LAMC3: variants seen among roughly 807,000 people sequenced by gnomAD.
The protein encoded by LAMC3 is laminin subunit gamma 3, also known as laminin subunit gamma-3.
In LAMC3, 128 loss-of-function variants were observed where a neutral mutation model predicts 173.8. The observed-to-expected ratio is 0.74, with a 90% CI of 0.64 to 0.85. The LOEUF (loss-of-function observed/expected upper bound fraction) is 0.85, where lower values mean the gene tolerates loss of function less well. Among genes scored for constraint, LAMC3 ranks in the 40% least tolerant of loss-of-function variants. The pLI is 0.00. For synonymous variants in LAMC3, 897 were observed against 909.1 expected, an observed-to-expected ratio of 0.99 and a Z score of 0.24; for missense variants, 2,022 against 2,156.0, an observed-to-expected ratio of 0.94 and a Z score of 1.23.
In LAMC3 at chr9:131,052,966, G is replaced by T; in HGVS notation, c.1939+1G>T. On this transcript the variant is annotated splice_donor_variant, in intron 11 of 27. Transcript: ENST00000361069. LOFTEE classifies it high-confidence loss of function. ...GTCAGTCCCGGCCCCAGCCCTGCCG[G>T]TCAGTAAAGACAACCACATGCCCAA... is the stretch of plus-strand genomic sequence containing the variant. 1.2e-6 allele frequency: 2 copies of T among 1,607,624 alleles called. No homozygotes were observed.
At chr9:131,083,597 G>A (rs139706232) in intron 24 of LAMC3, among the ~76,000 whole-genome samples, 9 of 152,226 alleles carry the variant, frequency 5.9e-5, no homozygotes, top group African/African-American at 1.2e-4. Flanking sequence ...TACAGAGAAC[G>A]CTTGAGAATA....
intron 27 of LAMC3, among the ~76,000 whole-genome samples, chr9:131,089,550 T>TA (rs1830388114): frequency 7.3e-6 from 1 of 136,430 alleles, no homozygotes; most frequent in South Asian, 2.2e-4. Flanking sequence ...GCTAATTTTT[T>TA]TTTTTTTTTT....
rs770156354 is a variant in LAMC3, at chr9:131,081,439, C to CTCCCTCCCTCCA, written c.3928-609_3928-608insATCCCTCCCTCC. ...ACTTGCTGAGATAGAGCAGTGTTCC[C>CTCCCTCCCTCCA]TCCCTCCCTCCCTCCCTCCCTCCCT... On this transcript the variant is annotated intron_variant, in intron 23 of 27. Coordinates refer to ENST00000361069, the MANE Select transcript of LAMC3 (RefSeq NM_006059.4). 5.1e-4 allele frequency among the ~76,000 whole-genome samples: 63 copies of CTCCCTCCCTCCA among 123,180 alleles called. 1 individual carries two copies. Among genetic ancestry groups the CTCCCTCCCTCCA allele is most frequent in the African/African-American group, 1.2e-3 (42 of 34,360 alleles). The allele number at this position is 123,180 out of a possible 152,430, so 80.8% of individuals were successfully genotyped here. A position where few individuals can be genotyped will look rare whatever the true frequency, so the allele number is the denominator to read the frequency against.
At chr9:131,089,494 C>T (rs185900458) in intron 27 of LAMC3, among the ~76,000 whole-genome samples, 171 of 151,796 alleles carry the variant, frequency 1.1e-3, no homozygotes, top group Middle Eastern at 3.5e-3. Flanking sequence ...TCTTCCACTT[C>T]AGCCTTCGAA....
At position 131,038,922 on chromosome 9, in the gene LAMC3, C is replaced by A. The variant is rs561334750; in HGVS notation, c.1035C>A (p.Ser345Arg). The A allele has an allele frequency of 6.2e-7, 1 of 1,613,358 alleles. No homozygotes were observed. Among genetic ancestry groups the A allele is most frequent in the African/African-American group, 1.3e-5 (1 of 75,050 alleles). ...CGTTTGATCGGGAGCTCTTCCGCAG[C>A]ACAGGCCACGGCGGGCGCTGTCACC... ...ECTFDRELFRSTGHGGRCHHC... is the reference protein window; with the variant it reads ...ECTFDRELFRRTGHGGRCHHC... The change falls in exon 5 of 28, where the codon AGC (serine) becomes AGA (arginine). Residue 345 changes from serine to arginine, a missense_variant. Coordinates refer to ENST00000361069, the MANE Select transcript of LAMC3 (RefSeq NM_006059.4).
chr9:131,081,261 C>T (rs1830233627), intron 23 of LAMC3, among the ~76,000 whole-genome samples: 1 of 152,232 alleles, frequency 6.6e-6, no homozygotes, highest in South Asian at 2.1e-4. Context: ...CGGTCATATT[C>T]CAGTGTGTGG....
At chr9:131,045,384 T>A in intron 7 of LAMC3, 140 bp from the exon 8 acceptor site, 1 of 904,354 alleles carries the variant, frequency 1.1e-6, no homozygotes. Context: ...CTTACTACTC[T>A]TCTAGAATTC....
At chr9:131,023,010 T>G (rs1833654405) in intron 1 of LAMC3, among the ~76,000 whole-genome samples, 1 of 152,236 alleles carries the variant, frequency 6.6e-6, no homozygotes. Context: ...TCTGGACATT[T>G]ACGTGGAATC....
chr9:131,034,550 C>T (rs1392331775), intron 3 of LAMC3, among the ~76,000 whole-genome samples: 1 of 152,030 alleles, frequency 6.6e-6, no homozygotes, highest in East Asian at 1.9e-4. Context: ...GCTCAGGGTC[C>T]ACGTGGAGTC....
intron 13 of LAMC3, among the ~76,000 whole-genome samples, chr9:131,062,504 A>G (rs754714591): frequency 1.3e-5 from 2 of 152,202 alleles, no homozygotes; most frequent in African/African-American, 2.4e-5. Context: ...ACAATTTGCA[A>G]TGCTGTGCAG....
intron 7 of LAMC3, 118 bp downstream of exon 7, chr9:131,041,853 G>A (rs756098953): frequency 8.2e-6 from 7 of 853,908 alleles, no homozygotes; most frequent in African/African-American, 1.7e-5. Flanking sequence ...GGACTTGGGT[G>A]ACCTTGTCAC....
At position 131,009,627 on chromosome 9, in the gene LAMC3, C is replaced by G; in HGVS notation, c.373+40C>G. 6.5e-7 allele frequency: 1 copy of G among 1,549,444 alleles called. No homozygotes were observed. Among genetic ancestry groups the G allele is most frequent in the Non-Finnish European group, 8.7e-7 (1 of 1,149,136 alleles). ...GGGGCACCGCCACCGCACCCCGTGT[C>G]CCCACTCCACTGGGGGTCTGAGGCT... On this transcript the variant is annotated intron_variant, in intron 1 of 27. Transcript: ENST00000361069. This position sits in a 1 kb window ranked among gnomAD's most constrained non-coding sequence, Gnocchi z 4.3.
intron 6 of LAMC3, among the ~76,000 whole-genome samples, chr9:131,041,094 C>T (rs1006167214): frequency 5.3e-5 from 8 of 152,014 alleles, no homozygotes; most frequent in African/African-American, 1.9e-4. Context: ...AGGCCGAGCA[C>T]GGTGGCTCAT....
intron 3 of LAMC3, among the ~76,000 whole-genome samples, chr9:131,032,536 C>T (rs1833849073): frequency 1.6e-5 from 1 of 62,192 alleles, no homozygotes; most frequent in African/African-American, 4.8e-5. Flanking sequence ...CTCTCGCTGT[C>T]TCTCTCTCTT....
intron 4 of LAMC3, among the ~76,000 whole-genome samples, chr9:131,038,529 A>G (rs1833984944): frequency 6.6e-6 from 1 of 151,978 alleles, no homozygotes; most frequent in Non-Finnish European, 1.5e-5. Flanking sequence ...TTTTGGAGAG[A>G]GCCAAGCTGC....
At chr9:131,049,175 C>G (rs908678307) in intron 9 of LAMC3, 45 bp downstream of exon 9, 6 of 1,110,600 alleles carry the variant, frequency 5.4e-6, no homozygotes, top group Non-Finnish European at 6.7e-6. Context: ...GTGTCGGTTC[C>G]TCCTGCTGCT....
Position 131,041,702 on chromosome 9 carries a change from G to A in LAMC3, c.1349G>A (p.Cys450Tyr). ...TCDPRSGRCPCKENVEGNLCD... is the reference protein window; with the variant it reads ...TCDPRSGRCPYKENVEGNLCD... ...GACCCCCGCAGTGGGCGCTGCCCCT[G>A]CAAAGAGAATGTGGAAGGCAACCTA... The change falls in exon 7 of 28, where the codon TGC becomes TAC. Residue 450 changes from cysteine (C) to tyrosine (Y), a missense_variant. Transcript: ENST00000361069. 6.2e-7 allele frequency: 1 copy of A among 1,613,998 alleles called. No homozygotes were observed. Among genetic ancestry groups the A allele is most frequent in the Non-Finnish European group, 8.5e-7 (1 of 1,180,032 alleles).
intron 12 of LAMC3, among the ~76,000 whole-genome samples, chr9:131,060,601 C>G (rs946918230): frequency 7.4e-4 from 112 of 152,018 alleles, no homozygotes; most frequent in Middle Eastern, 3.4e-3. Context: ...CCAAATTGCA[C>G]CACTGCACTC....
At chr9:131,041,497 G>A (rs2133260601) in intron 6 of LAMC3, 140 bp from the exon 7 acceptor site, 2 of 753,624 alleles carry the variant, frequency 2.7e-6, no homozygotes, top group East Asian at 5.3e-5. Context: ...GGCAAGATGG[G>A]AACAGTAAAG....
Sources: allele counts gnomAD v4.1 joint callset (sites outside exome capture counted in the v4.1 genomes callset), GRCh38; gene constraint gnomAD v4.1.1; non-coding constraint Gnocchi (gnomAD v3.1); transcripts MANE v1.5; gene names NCBI Gene and HGNC (gene_info 2026-07-23, HGNC 2026-07-21).